The following NEK7 variants were observed in gnomAD, a reference collection of about 807,000 sequenced individuals.
NEK7 encodes serine/threonine-protein kinase Nek7.
In NEK7, 18 loss-of-function variants were observed where a neutral mutation model predicts 44.6. The observed-to-expected ratio is 0.40, with a 90% CI of 0.28 to 0.60. The LOEUF (loss-of-function observed/expected upper bound fraction) is 0.60. Ranked by LOEUF, NEK7 falls within the 20% of genes least tolerant of loss-of-function variation. NEK7 has a pLI of 0.38. For synonymous variants in NEK7, 130 were observed against 121.1 expected, an observed-to-expected ratio of 1.07 and a Z score of -0.48; for missense variants, 256 against 366.5, an observed-to-expected ratio of 0.70 and a Z score of 2.46.
chr1:198,187,374 C>A (rs1027960906), intron 1 of NEK7, among the ~76,000 whole-genome samples: 2 of 152,132 alleles, frequency 1.3e-5, no homozygotes, highest in Non-Finnish European at 2.9e-5. Context: ...TAATGAACCA[C>A]CCCTGGGCCC....
chr1:198,217,565 T>C (rs1438261957), intron 1 of NEK7, among the ~76,000 whole-genome samples: 1 of 152,030 alleles, frequency 6.6e-6, no homozygotes, highest in Non-Finnish European at 1.5e-5. Context: ...CTATTCAACA[T>C]AGTACTTGAA....
intron 7 of NEK7, among the ~76,000 whole-genome samples, chr1:198,292,534 T>C (rs1019469687): frequency 8.6e-5 from 13 of 152,040 alleles, no homozygotes; most frequent in African/African-American, 1.4e-4. Flanking sequence ...ACTCATACTC[T>C]ACTAAATTGT....
chr1:198,286,518 A>C (rs1190412948), intron 7 of NEK7, among the ~76,000 whole-genome samples: 1 of 151,618 alleles, frequency 6.6e-6, no homozygotes. Context: ...CATAGAATTG[A>C]GTGTTTCATT....
rs527934693 is a variant in NEK7 at position 198,166,515 on chromosome 1, T to C, written c.-29+9239T>C. 3.3e-5 allele frequency among the ~76,000 whole-genome samples: 5 copies of C among 152,306 alleles called. No homozygotes were observed. The South Asian group carries it at 1.0e-3, about 32-fold the overall frequency. ...TGATTTAAAGTGAGAGATGGGTGAC[T>C]CTTTCTTTCACTCGAACACTTGAAG... On this transcript the variant is annotated intron_variant, in intron 1 of 9. Transcript: ENST00000367385.
At chr1:198,285,156 G>A (rs1484673061) in intron 7 of NEK7, among the ~76,000 whole-genome samples, 1 of 151,802 alleles carries the variant, frequency 6.6e-6, no homozygotes, top group Non-Finnish European at 1.5e-5. Context: ...ATTATGCTTT[G>A]TATGTATTGT....
At chr1:198,245,010 A>C (rs1192023870) in intron 2 of NEK7, among the ~76,000 whole-genome samples, 2 of 152,224 alleles carry the variant, frequency 1.3e-5, no homozygotes, top group Non-Finnish European at 2.9e-5. Flanking sequence ...TGATAACAGA[A>C]AGTCAATTAA....
chr1:198,291,939 T>C (rs776439535), intron 7 of NEK7, among the ~76,000 whole-genome samples: 4 of 152,128 alleles, frequency 2.6e-5, no homozygotes, highest in Non-Finnish European at 5.9e-5. Context: ...TTATTTAAGA[T>C]TTATAGTAAA....
chr1:198,252,760 C>T (rs1416945993), intron 2 of NEK7, among the ~76,000 whole-genome samples: 1 of 150,568 alleles, frequency 6.6e-6, no homozygotes, highest in African/African-American at 2.5e-5. Flanking sequence ...TATTAAAACA[C>T]ACATATATAT....
At chr1:198,304,529 G>A (rs1654973830) in intron 9 of NEK7, among the ~76,000 whole-genome samples, 2 of 152,088 alleles carry the variant, frequency 1.3e-5, no homozygotes, top group Admixed American at 1.3e-4. Flanking sequence ...AGATGGGGGT[G>A]AAAAAGAAAC....
intron 1 of NEK7, among the ~76,000 whole-genome samples, chr1:198,169,908 T>A (rs1388568256): frequency 6.6e-6 from 1 of 152,226 alleles, no homozygotes; most frequent in Non-Finnish European, 1.5e-5. Flanking sequence ...GGACCATTCT[T>A]GTCAGAACTT....
At chr1:198,176,005 G>T (rs1392999878) in intron 1 of NEK7, among the ~76,000 whole-genome samples, 3 of 152,296 alleles carry the variant, frequency 2.0e-5, no homozygotes, top group Admixed American at 2.0e-4. Flanking sequence ...TTCCTTTAGA[G>T]GGGAGGGAAC....
chr1:198,236,876 T>A (rs1291257924), intron 2 of NEK7, among the ~76,000 whole-genome samples: 4 of 152,180 alleles, frequency 2.6e-5, no homozygotes, highest in African/African-American at 9.7e-5. Context: ...AACCTATTTC[T>A]CCGCTCCCTT....
At chr1:198,316,772 A>G (rs1655382198) in intron 9 of NEK7, among the ~76,000 whole-genome samples, 1 of 152,232 alleles carries the variant, frequency 6.6e-6, no homozygotes, top group South Asian at 2.1e-4. Context: ...ATTGGAAACT[A>G]TTGAATGAAC....
rs74784920 is a variant in NEK7, at chr1:198,299,750, A to G, written c.798+2510A>G. 3.0e-4 allele frequency among the ~76,000 whole-genome samples: 46 copies of G among 152,346 alleles called. No homozygotes were observed. In the East Asian group the frequency reaches 7.9e-3, roughly 26 times the overall value. On this transcript the variant is annotated intron_variant, in intron 9 of 9. Coordinates refer to ENST00000367385, the MANE Select transcript of NEK7 (RefSeq NM_133494.3). ...GGAGGATTTCATGAGAATACTAGCC[A>G]TACCTGCCAGTCAGCCTCAGTTGAT...
intron 9 of NEK7, among the ~76,000 whole-genome samples, chr1:198,312,353 C>G (rs907858759): frequency 1.0e-4 from 15 of 150,244 alleles, no homozygotes; most frequent in Non-Finnish European, 1.6e-4. Context: ...GTCTTGCTAG[C>G]AGTCTATCAA....
intron 1 of NEK7, among the ~76,000 whole-genome samples, chr1:198,228,295 G>T (rs902192942): frequency 1.3e-5 from 2 of 152,160 alleles, no homozygotes; most frequent in African/African-American, 4.8e-5. Flanking sequence ...TTGAAGTCAG[G>T]TAGTGTGATG....
rs1461274565 is a variant in NEK7, at chr1:198,322,219, T to A, written c.*2697T>A. ...AAATGTTTATTCTTTAAAATGAATG[T>A]ATTATGTTTTTAACCCACAAATGCA... is the stretch of plus-strand genomic sequence containing the variant. On this transcript the variant is annotated 3_prime_UTR_variant, in exon 10 of 10. Transcript: ENST00000367385. 3 of 152,168 alleles carry A rather than the reference T, an allele frequency of 2.0e-5. No individual in the cohort carries two copies. Among genetic ancestry groups the A allele is most frequent in the Non-Finnish European group, 4.4e-5 (3 of 67,988 alleles). The allele number at this position is 152,168 out of a possible 1,614,324, so 9.4% of individuals were successfully genotyped here.
At chr1:198,283,275 T>C (rs1208878771) in intron 7 of NEK7, among the ~76,000 whole-genome samples, 1 of 152,140 alleles carries the variant, frequency 6.6e-6, no homozygotes, top group African/African-American at 2.4e-5. Context: ...TTCGTTCTTC[T>C]TTGGGCTAAG....
rs116713561 is a variant in NEK7, at chr1:198,198,375, G to C, written c.-28-34178G>C. Among the ~76,000 whole-genome samples the C allele has an allele frequency of 4.6e-3, 697 of 152,298 alleles. 3 individuals are homozygous for C. The highest frequency in any genetic ancestry group is 8.1e-3 in the Non-Finnish European group (554 of 68,024). On this transcript the variant is annotated intron_variant, in intron 1 of 9. Coordinates refer to ENST00000367385, the MANE Select transcript of NEK7 (RefSeq NM_133494.3). ...TCCTGGTTACTAGTCCGGTGGCCAA[G>C]AGGTGATAAATACTGATGGGACCTG...
Sources: gnomAD v4.1 joint callset for allele counts (sites outside exome capture counted in the v4.1 genomes callset) on GRCh38, gnomAD v4.1.1 for gene constraint, MANE v1.5 for transcripts, NCBI Gene and HGNC (gene_info 2026-07-23, HGNC 2026-07-21) for gene names.